GALNT5: variants seen among roughly 807,000 people sequenced by gnomAD.
GALNT5 encodes the protein UDP-GalNAc:polypeptide N-acetylgalactosaminyltransferase 5.
A neutral mutation model predicts 85.4 loss-of-function variants in GALNT5; 72 were observed. The observed-to-expected ratio is 0.84, with a 90% CI of 0.70 to 1.03. The LOEUF is 1.03. Among genes scored for constraint, GALNT5 ranks in the 50% least tolerant of loss-of-function variants. The pLI is 0.00. For synonymous variants in GALNT5, 404 were observed against 397.0 expected (o/e 1.02, Z -0.21); for missense variants, 1,137 against 1,135.5 (o/e 1.00, Z -0.02).
At chr2:157,290,234 C>T (rs115344687) in intron 3 of GALNT5, among the ~76,000 whole-genome samples, 44 of 151,864 alleles carry the variant, frequency 2.9e-4, no homozygotes, top group African/African-American at 1.0e-3. Context: ...TATTTGTTCT[C>T]AATTTCTATT....
intron 1 of GALNT5, among the ~76,000 whole-genome samples, chr2:157,282,461 C>A (rs889345500): frequency 3.3e-5 from 5 of 152,058 alleles, no homozygotes; most frequent in African/African-American, 1.2e-4. Flanking sequence ...TTTTCTAAGG[C>A]TTTGTCAATT....
At position 157,258,546 on chromosome 2, in the gene GALNT5, C is replaced by G. The variant is rs746004165; in HGVS notation, c.464C>G (p.Ser155Cys). Reference sequence around the variant, plus strand: ...AGAGGCACCAAACCTGAAGCCTCCTCTCACCAGGGGACACCAAAGCAAACG... The same window carrying G: ...AGAGGCACCAAACCTGAAGCCTCCTGTCACCAGGGGACACCAAAGCAAACG... ...DGRGTKPEAS[S>C]HQGTPKQTTA... Residue 155 changes from serine to cysteine, a missense_variant, in exon 1 of 10, where the codon TCT becomes TGT. Ser to Cys is a moderately radical substitution (Grantham distance 112). Coordinates refer to ENST00000259056, the MANE Select transcript of GALNT5 (RefSeq NM_014568.3). 8.1e-6 allele frequency: 13 copies of G among 1,613,084 alleles called. No individual in the cohort carries two copies. Among genetic ancestry groups the G allele is most frequent in the South Asian group, 3.3e-5 (3 of 90,982 alleles).
intron 3 of GALNT5, among the ~76,000 whole-genome samples, chr2:157,289,664 T>A (rs992616217): frequency 6.6e-6 from 1 of 152,122 alleles, no homozygotes; most frequent in African/African-American, 2.4e-5. Context: ...GAAAAGGAAT[T>A]TTTTTCCCCT....
At chr2:157,263,450 T>C (rs1297623869) in intron 1 of GALNT5, among the ~76,000 whole-genome samples, 2 of 152,184 alleles carry the variant, frequency 1.3e-5, no homozygotes, top group Admixed American at 1.3e-4. Flanking sequence ...GACCATGAGG[T>C]AGCTGTGACC....
At chr2:157,305,950 A>G (rs1354933588) in intron 8 of GALNT5, 121 bp downstream of exon 8, 2 of 633,012 alleles carry the variant, frequency 3.2e-6, no homozygotes, top group Non-Finnish European at 5.5e-6. Context: ...TTTCTTTGTA[A>G]AAAGAGAGTC....
Position 157,313,239 on chromosome 2 carries a change from C to T in GALNT5, c.*1891C>T, listed in dbSNP as rs186454021. 1 of 152,230 alleles carries T rather than the reference C, an allele frequency of 6.6e-6. No homozygotes were observed. The highest frequency in any genetic ancestry group is 2.4e-5 in the African/African-American group (1 of 41,536). 9.4% of individuals were successfully genotyped at this position (152,230 alleles called of 1,614,324 possible). The stretch of plus-strand genomic sequence containing the variant: ...CTATGTTTAGACACACAAATACTCA[C>T]CATGATGTTACAATAGCCTACAGTG... On this transcript the variant is annotated 3_prime_UTR_variant, in exon 10 of 10. Coordinates refer to ENST00000259056, the MANE Select transcript of GALNT5 (RefSeq NM_014568.3).
chr2:157,267,065 G>A (rs1316923080), intron 1 of GALNT5, among the ~76,000 whole-genome samples: 1 of 152,208 alleles, frequency 6.6e-6, no homozygotes, highest in African/African-American at 2.4e-5. Context: ...GGCGTATACA[G>A]CAAAATGTGA....
intron 1 of GALNT5, among the ~76,000 whole-genome samples, chr2:157,276,374 G>C (rs1682727366): frequency 6.6e-6 from 1 of 152,108 alleles, no homozygotes; most frequent in Admixed American, 6.5e-5. Context: ...TTTTTGTATT[G>C]ATTGGAATAG....
intron 6 of GALNT5, among the ~76,000 whole-genome samples, 179 bp from the exon 7 acceptor site, chr2:157,300,497 C>A (rs1244594606): frequency 1.3e-5 from 2 of 152,080 alleles, no homozygotes; most frequent in African/African-American, 2.4e-5. Context: ...CTAAAATGAT[C>A]CACAGCAATA....
chr2:157,305,410 G>T (rs930913176), intron 7 of GALNT5, among the ~76,000 whole-genome samples: 2 of 152,168 alleles, frequency 1.3e-5, no homozygotes, highest in Admixed American at 6.5e-5. Flanking sequence ...TTTAGTATAT[G>T]CATTAGATAA....
At chr2:157,293,221 T>C (rs1381077172) in intron 3 of GALNT5, among the ~76,000 whole-genome samples, 1 of 152,238 alleles carries the variant, frequency 6.6e-6, no homozygotes, top group Non-Finnish European at 1.5e-5. Flanking sequence ...CATATATTTA[T>C]TGATCACAGT....
In GALNT5 at chr2:157,258,249, G is replaced by A. The variant is rs1170865134; in HGVS notation, c.167G>A (p.Gly56Glu). ...KEDIVRRERI[G>E]FRVQPDQGKI... ...GACATTGTGAGGAGGGAGCGGATAG[G>A]ATTCAGAGTTCAGCCAGACCAAGGA... The change falls in exon 1 of 10, where the codon GGA becomes GAA. Residue 56 changes from glycine (G) to glutamate (E), a missense_variant. Physicochemically the swap from Gly to Glu is moderately conservative, Grantham distance 98 (BLOSUM62 -2). Transcript: ENST00000259056. The A allele has an allele frequency of 6.2e-7, 1 of 1,611,424 alleles. No individual in the cohort carries two copies. Among genetic ancestry groups the A allele is most frequent in the Non-Finnish European group, 8.5e-7 (1 of 1,179,114 alleles).
chr2:157,268,064 C>T (rs1415268613), intron 1 of GALNT5, among the ~76,000 whole-genome samples: 1 of 152,132 alleles, frequency 6.6e-6, no homozygotes, highest in Non-Finnish European at 1.5e-5. Flanking sequence ...CCTGAAGGCT[C>T]ACATGAAGGC....
At chr2:157,283,680 C>T (rs1224208243) in intron 1 of GALNT5, among the ~76,000 whole-genome samples, 1 of 145,006 alleles carries the variant, frequency 6.9e-6, no homozygotes, top group Non-Finnish European at 1.5e-5. Context: ...GAAAGGCAAT[C>T]ATAAACCACT....
At chr2:157,283,831 T>C (rs1256948020) in intron 1 of GALNT5, among the ~76,000 whole-genome samples, 2 of 152,160 alleles carry the variant, frequency 1.3e-5, no homozygotes, top group Non-Finnish European at 1.5e-5. Flanking sequence ...CAAAACTCTA[T>C]TGAATAAGAA....
chr2:157,275,181 C>T (rs1194693795), intron 1 of GALNT5, among the ~76,000 whole-genome samples: 1 of 151,996 alleles, frequency 6.6e-6, no homozygotes, highest in African/African-American at 2.4e-5. Context: ...CTGTTCCATT[C>T]GTCCATATAT....
intron 1 of GALNT5, among the ~76,000 whole-genome samples, chr2:157,283,927 T>C (rs1010984038): frequency 6.6e-6 from 1 of 152,216 alleles, no homozygotes; most frequent in Admixed American, 6.5e-5. Context: ...CTGAGAAATA[T>C]TGGCCATGAG....
At chr2:157,269,550 T>A (rs928259485) in intron 1 of GALNT5, among the ~76,000 whole-genome samples, 11 of 152,206 alleles carry the variant, frequency 7.2e-5, no homozygotes, top group Non-Finnish European at 1.2e-4. Context: ...GCTGGGATAT[T>A]AGCATCTAGT....
intron 1 of GALNT5, among the ~76,000 whole-genome samples, chr2:157,272,228 T>G (rs979063833): frequency 1.3e-5 from 2 of 152,306 alleles, no homozygotes; most frequent in Admixed American, 1.3e-4. Context: ...TCTGTCCATG[T>G]CTACTCAACA....
Sources: allele counts gnomAD v4.1 joint callset (sites outside exome capture counted in the v4.1 genomes callset), GRCh38; gene constraint gnomAD v4.1.1; transcripts MANE v1.5; gene names NCBI Gene and HGNC (gene_info 2026-07-23, HGNC 2026-07-21).